MPDZ: variants seen among roughly 807,000 people sequenced by gnomAD.
MPDZ encodes the protein multiple PDZ domain protein.
MPDZ carries 234 observed loss-of-function variants against 239.1 expected under a neutral mutation model. That is an observed-to-expected ratio of 0.98 (90% CI 0.88 to 1.09). The LOEUF (loss-of-function observed/expected upper bound fraction) is 1.09, where lower values mean the gene tolerates loss of function less well. MPDZ is among the 50% of genes least tolerant of loss of function. The pLI is 0.00. For synonymous variants in MPDZ, 1,048 were observed against 881.3 expected (o/e 1.19, Z -3.35); for missense variants, 3,175 against 2,510.0 (o/e 1.26, Z -5.66).
intron 1 of MPDZ, among the ~76,000 whole-genome samples, chr9:13,275,775 C>A (rs1397135302): frequency 1.1e-4 from 17 of 152,166 alleles, no homozygotes; most frequent in Admixed American, 1.1e-3. Context: ...TCTTCCCTAT[C>A]CAACCTTTTC....
chr9:13,267,734 A>C (rs1972081574), intron 1 of MPDZ, among the ~76,000 whole-genome samples: 1 of 152,194 alleles, frequency 6.6e-6, no homozygotes, highest in Admixed American at 6.5e-5. Context: ...ATAATTGAGG[A>C]AGCTGAAAGG....
intron 32 of MPDZ, among the ~76,000 whole-genome samples, chr9:13,129,494 A>T (rs1455472468): frequency 6.7e-6 from 1 of 150,232 alleles, no homozygotes; most frequent in African/African-American, 2.5e-5. Flanking sequence ...TAAATAAATA[A>T]AAATAAATAA....
chr9:13,215,271 G>C (rs1049630876), intron 10 of MPDZ, among the ~76,000 whole-genome samples: 1 of 151,638 alleles, frequency 6.6e-6, no homozygotes, highest in Non-Finnish European at 1.5e-5. Flanking sequence ...GTTTTTCAGT[G>C]CTGAAGCATG....
chr9:13,134,356 C>T (rs575201997), intron 31 of MPDZ: 1 of 152,222 alleles, frequency 6.6e-6, no homozygotes, highest in African/African-American at 2.4e-5. Context: ...TACTCCATTT[C>T]CTTAAGAGAC....
chr9:13,238,939 A>G (rs754450428), intron 3 of MPDZ, among the ~76,000 whole-genome samples: 1 of 152,204 alleles, frequency 6.6e-6, no homozygotes, highest in African/African-American at 2.4e-5. Context: ...TTTTAAATAA[A>G]TAAATATTTA....
chr9:13,201,876 A>G, intron 12 of MPDZ, among the ~76,000 whole-genome samples: 1 of 152,108 alleles, frequency 6.6e-6, no homozygotes, highest in East Asian at 1.9e-4. Context: ...TTTGTTTTCT[A>G]TCCATATTTT....
intron 12 of MPDZ, 81 bp from the exon 13 acceptor site, chr9:13,196,311 A>T: frequency 1.1e-6 from 1 of 934,796 alleles, no homozygotes; most frequent in Non-Finnish European, 1.7e-6. Flanking sequence ...GGATTCTCTG[A>T]TCAGAACCCG....
At position 13,136,168 on chromosome 9, in the gene MPDZ, A is replaced by C; in HGVS notation, c.4307T>G (p.Val1436Gly). ...KIIFIRNKDA[V>G]NQMAVCPGNA... is the part of the protein sequence containing the mutation. ...TCCAGGACATACGGCCATCTGATTC[A>C]CTGCATCTTTATTTCTAAAAGCAAA... Residue 1436 changes from valine to glycine, a missense_variant, in exon 31 of 47, where the codon GTG (valine) becomes GGG (glycine). Val to Gly is a moderately radical substitution (Grantham distance 109, BLOSUM62 -3). Coordinates refer to ENST00000319217, the MANE Select transcript of MPDZ (RefSeq NM_001378778.1). 6 of 1,611,890 alleles carry C rather than the reference A, an allele frequency of 3.7e-6. No homozygotes were observed. Among genetic ancestry groups the C allele is most frequent in the Non-Finnish European group, 5.1e-6 (6 of 1,178,700 alleles).
intron 12 of MPDZ, among the ~76,000 whole-genome samples, chr9:13,203,231 C>G (rs927453212): frequency 6.6e-5 from 10 of 152,112 alleles, no homozygotes; most frequent in African/African-American, 2.4e-4. Context: ...TGAACACAGA[C>G]TACAGGGAAG....
At chr9:13,269,219 G>A (rs1972454552) in intron 1 of MPDZ, among the ~76,000 whole-genome samples, 1 of 152,250 alleles carries the variant, frequency 6.6e-6, no homozygotes, top group African/African-American at 2.4e-5. Context: ...GAACTATCAG[G>A]ACATCATTTA....
chr9:13,193,173 T>C lies in MPDZ; in HGVS notation c.1797A>G (p.Leu599=), dbSNP rs747983174. The C allele has an allele frequency of 5.7e-6, 9 of 1,577,218 alleles. 1 individual carries two copies. In the South Asian group the frequency reaches 8.3e-5, roughly 15 times the overall value. The change falls in exon 14 of 47, where the codon CTA becomes CTG. Residue 599 remains leucine (L), a synonymous_variant. Transcript: ENST00000319217. ...HSGKLFSGDE[L]LEVNGITLLG... Reference sequence around the variant, plus strand: ...GAACAGCATAGCTCCTTACTTCCAATAGCTCGTCTCCACTGAAGAGCTTCC... The same window carrying C: ...GAACAGCATAGCTCCTTACTTCCAACAGCTCGTCTCCACTGAAGAGCTTCC...
chr9:13,126,494 T>C, intron 34 of MPDZ, 22 bp downstream of exon 34: 1 of 1,520,544 alleles, frequency 6.6e-7, no homozygotes, highest in Non-Finnish European at 8.9e-7. Context: ...ACATTACCAT[T>C]TACTTTATTT....
At chr9:13,253,996 G>C (rs1442849547) in intron 1 of MPDZ, among the ~76,000 whole-genome samples, 1 of 152,186 alleles carries the variant, frequency 6.6e-6, no homozygotes, top group Non-Finnish European at 1.5e-5. Flanking sequence ...GATGGAGCCA[G>C]GTTCTTAACA....
chr9:13,262,133 C>T (rs925883900), intron 1 of MPDZ, among the ~76,000 whole-genome samples: 1 of 151,802 alleles, frequency 6.6e-6, no homozygotes, highest in African/African-American at 2.4e-5. Flanking sequence ...TAACTGTGAA[C>T]AATATTTATA....
intron 22 of MPDZ, among the ~76,000 whole-genome samples, chr9:13,164,535 G>C (rs187746074): frequency 6.6e-6 from 1 of 151,936 alleles, no homozygotes; most frequent in Non-Finnish European, 1.5e-5. Flanking sequence ...AGAAAGGCAG[G>C]ATAGAATAGC....
chr9:13,267,201 A>C (rs1971972552), intron 1 of MPDZ, among the ~76,000 whole-genome samples: 1 of 152,246 alleles, frequency 6.6e-6, no homozygotes, highest in Non-Finnish European at 1.5e-5. Flanking sequence ...CCAGAAAATA[A>C]AATAGGCTAC....
intron 1 of MPDZ, among the ~76,000 whole-genome samples, chr9:13,262,471 TA>T (rs1167027621): frequency 6.6e-6 from 1 of 151,716 alleles, no homozygotes; most frequent in East Asian, 1.9e-4. Context: ...TAATAAAAAT[TA>T]AAAAGAGTTC....
chr9:13,240,435 C>T (rs1042022867), intron 3 of MPDZ, among the ~76,000 whole-genome samples: 13 of 151,764 alleles, frequency 8.6e-5, no homozygotes, highest in Admixed American at 3.3e-4. Context: ...TAGGACATGG[C>T]ATATTTTAAG....
intron 24 of MPDZ, among the ~76,000 whole-genome samples, chr9:13,152,015 C>T (rs1430293844): frequency 1.3e-5 from 2 of 151,960 alleles, no homozygotes; most frequent in Non-Finnish European, 2.9e-5. Context: ...GTGGCACATA[C>T]CAGTGTAAAA....
Sources: allele counts gnomAD v4.1 joint callset (sites outside exome capture counted in the v4.1 genomes callset), GRCh38; gene constraint gnomAD v4.1.1; transcripts MANE v1.5; gene names NCBI Gene and HGNC (gene_info 2026-07-23, HGNC 2026-07-21).